WDR76: variants seen among roughly 807,000 people sequenced by gnomAD.
WDR76 encodes WD repeat-containing protein 76.
Under a neutral mutation model 70.2 loss-of-function variants are expected in WDR76, and 52 were observed. That is an observed-to-expected ratio of 0.74 (90% CI 0.59 to 0.93). The LOEUF (loss-of-function observed/expected upper bound fraction) is 0.93, where lower values mean the gene tolerates loss of function less well. WDR76 is among the 40% of genes least tolerant of loss of function. The pLI, the probability that WDR76 is intolerant of heterozygous loss-of-function variation, is 0.00. For synonymous variants in WDR76, 292 were observed against 271.1 expected (o/e 1.08, Z -0.76); for missense variants, 756 against 760.2 (o/e 0.99, Z 0.07).
intron 8 of WDR76, among the ~76,000 whole-genome samples, chr15:43,844,701 A>C (rs1413296943): frequency 6.6e-6 from 1 of 151,224 alleles, no homozygotes; most frequent in Non-Finnish European, 1.5e-5. Context: ...CGAAGTCAGG[A>C]GATCGAGACC....
intron 9 of WDR76, among the ~76,000 whole-genome samples, chr15:43,851,562 T>TGCGCTTGTTAAATTTC (rs1358916414): frequency 1.3e-5 from 2 of 152,208 alleles, no homozygotes; most frequent in African/African-American, 4.8e-5. Flanking sequence ...AGTATGTGTT[T>TGCGCTTGTTAAATTTC]GCGCTTGTTA....
At chr15:43,844,635 A>G (rs1159790362) in intron 8 of WDR76, among the ~76,000 whole-genome samples, 12 of 144,440 alleles carry the variant, frequency 8.3e-5, no homozygotes, top group Admixed American at 4.1e-4. Flanking sequence ...AAGGGCTGGG[A>G]GCGGTGGCTC....
rs1432268219 is a variant in WDR76 at position 43,866,186 on chromosome 15, CAAG to C, written c.1680_1682del (p.Glu560del). 2.5e-6 allele frequency: 4 copies of C among 1,614,076 alleles called. No individual in the cohort carries two copies. The highest frequency in any genetic ancestry group is 1.1e-5 in the South Asian group (1 of 91,090). ...GTTCCAAGCCATGTGGGATCCTAAACAAGAAGACTGTGTCATAGTTGGCAGCAT... is the reference window on the plus strand; with the variant it reads ...GTTCCAAGCCATGTGGGATCCTAAACAAGACTGTGTCATAGTTGGCAGCAT... On this transcript the variant is annotated inframe_deletion, in exon 13 of 13. Coordinates refer to ENST00000263795, the MANE Select transcript of WDR76 (RefSeq NM_024908.4).
intron 10 of WDR76, 59 bp downstream of exon 10, chr15:43,857,222 A>G: frequency 1.4e-6 from 2 of 1,478,680 alleles, no homozygotes; most frequent in Non-Finnish European, 1.8e-6. Flanking sequence ...TACATGGTTT[A>G]GTTTGGTTGT....
rs578147490 is a variant in WDR76 at position 43,827,010 on chromosome 15, G to C, written c.-23G>C. 1 of 1,612,210 alleles carries C rather than the reference G, an allele frequency of 6.2e-7. No homozygotes were observed. Among genetic ancestry groups the C allele is most frequent in the East Asian group, 2.2e-5 (1 of 44,862 alleles). On this transcript the variant is annotated 5_prime_UTR_variant, in exon 1 of 13. Coordinates refer to ENST00000263795, the MANE Select transcript of WDR76 (RefSeq NM_024908.4). ...CCCGCCGCAATCTTGGCGGGAAGGC[G>C]CCGGCCGCTAAGAAGCCGAAAGATG...
At chr15:43,861,832 A>ATTTTTTTTTT (rs898404641) in intron 12 of WDR76, among the ~76,000 whole-genome samples, 2 of 104,760 alleles carry the variant, frequency 1.9e-5, no homozygotes, top group Non-Finnish European at 3.9e-5. Context: ...GTATTTGTGT[A>ATTTTTTTTTT]TTTTTTTTTT....
chr15:43,857,193 G>A, intron 10 of WDR76, 30 bp downstream of exon 10: 1 of 1,565,886 alleles, frequency 6.4e-7, no homozygotes, highest in African/African-American at 1.4e-5. Flanking sequence ...TTATGACTTA[G>A]ACCTTTTAAT....
intron 8 of WDR76, among the ~76,000 whole-genome samples, chr15:43,849,331 G>A (rs576921450): frequency 1.1e-4 from 17 of 152,186 alleles, no homozygotes; most frequent in African/African-American, 3.9e-4. Context: ...TAATGTCTCT[G>A]TAAATACTTG....
Position 43,827,079 on chromosome 15 carries a change from G to T in WDR76, c.47G>T (p.Arg16Leu), listed in dbSNP as rs1334044385. 3 of 1,613,736 alleles carry T rather than the reference G, an allele frequency of 1.9e-6. No homozygotes were observed. Among genetic ancestry groups the T allele is most frequent in the Non-Finnish European group, 2.5e-6 (3 of 1,179,982 alleles). The part of the protein sequence containing the change: ...AAAEKADSRQ[R>L]PQMKVNEYKE... Reference sequence around the variant, plus strand: ...GCTGAGAAGGCGGACTCCAGACAGCGACCCCAGATGAAGGTGAGAAACGGA... The same window carrying T: ...GCTGAGAAGGCGGACTCCAGACAGCTACCCCAGATGAAGGTGAGAAACGGA... Residue 16 changes from arginine (R) to leucine (L), a missense_variant, in exon 1 of 13, where the codon CGA (arginine) becomes CTA (leucine). Arg to Leu is a moderately radical substitution (Grantham distance 102). Transcript: ENST00000263795.
intron 3 of WDR76, 39 bp downstream of exon 3, chr15:43,835,189 G>A (rs563217167): frequency 2.3e-5 from 36 of 1,572,636 alleles, no homozygotes; most frequent in Non-Finnish European, 2.7e-5. Context: ...ATGCAGGGCC[G>A]GGAACAGTGG....
At chr15:43,831,273 A>C (rs2087584909) in intron 2 of WDR76, among the ~76,000 whole-genome samples, 1 of 152,096 alleles carries the variant, frequency 6.6e-6, no homozygotes, top group South Asian at 2.1e-4. Flanking sequence ...CTGGGACTAC[A>C]GGCATGTGCC....
chr15:43,848,978 C>A (rs1219207385), intron 8 of WDR76, among the ~76,000 whole-genome samples: 2 of 145,902 alleles, frequency 1.4e-5, no homozygotes, highest in East Asian at 4.0e-4. Context: ...TTCAGATTAC[C>A]TGCTGTCTCA....
chr15:43,829,940 C>G (rs2087566110), intron 2 of WDR76, among the ~76,000 whole-genome samples: 1 of 151,804 alleles, frequency 6.6e-6, no homozygotes, highest in Non-Finnish European at 1.5e-5. Flanking sequence ...TTGCAGGGCC[C>G]CACCAACAGT....
intron 9 of WDR76, 27 bp downstream of exon 9, chr15:43,851,272 A>C (rs1228721648): frequency 1.9e-6 from 3 of 1,605,972 alleles, no homozygotes; most frequent in Non-Finnish European, 2.6e-6. Context: ...TTACATGCTG[A>C]CTTCAGATGA....
At chr15:43,858,243 GT>G (rs5812252) in intron 10 of WDR76, among the ~76,000 whole-genome samples, 27,062 of 143,194 alleles carry the variant, frequency 0.19, 3,673 homozygotes, top group African/African-American at 0.38. Flanking sequence ...AGAGAGTTCT[GT>G]TTTTTTTTTT....
At chr15:43,862,936 C>T (rs750237554) in intron 12 of WDR76, among the ~76,000 whole-genome samples, 2 of 151,170 alleles carry the variant, frequency 1.3e-5, no homozygotes, top group Non-Finnish European at 3.0e-5. Flanking sequence ...AGCCACTGTG[C>T]CCAGCCTATT....
intron 9 of WDR76, among the ~76,000 whole-genome samples, chr15:43,852,239 A>G (rs1475279252): frequency 1.3e-5 from 2 of 152,134 alleles, no homozygotes; most frequent in Non-Finnish European, 2.9e-5. Flanking sequence ...GCTGGAGTGC[A>G]GTGGCGAGAT....
At position 43,866,564 on chromosome 15, in the gene WDR76, A is replaced by T; in HGVS notation, c.*172A>T. 1.5e-6 allele frequency: 1 copy of T among 653,980 alleles called. No homozygotes were observed. The highest frequency in any genetic ancestry group is 2.3e-6 in the Non-Finnish European group (1 of 429,344). 40.5% of individuals were successfully genotyped at this position (653,980 alleles called of 1,614,324 possible). On this transcript the variant is annotated 3_prime_UTR_variant, in exon 13 of 13. Transcript: ENST00000263795. ...ACTTTTAGTAAGGGAGAAGTCTTGG[A>T]GGGTTGCTTCTGCAGGACGGGGAGG...
intron 2 of WDR76, among the ~76,000 whole-genome samples, chr15:43,834,369 C>T (rs1050736774): frequency 3.4e-5 from 5 of 148,178 alleles, no homozygotes; most frequent in East Asian, 2.0e-4. Context: ...GGTGCGATCT[C>T]GGCTTGCTGC....
Sources: allele counts gnomAD v4.1 joint callset (sites outside exome capture counted in the v4.1 genomes callset), GRCh38; gene constraint gnomAD v4.1.1; transcripts MANE v1.5; gene names NCBI Gene and HGNC (gene_info 2026-07-23, HGNC 2026-07-21).